MKX: variants seen among roughly 807,000 people sequenced by gnomAD.
The protein encoded by MKX is mohawk homeobox, also known as homeobox protein Mohawk.
Under a neutral mutation model 36.0 loss-of-function variants are expected in MKX, and 13 were observed. The ratio of observed to expected loss-of-function variants is 0.36; its 90% CI spans 0.24 to 0.57. The LOEUF is 0.57. Among genes scored for constraint, MKX ranks in the 20% least tolerant of loss-of-function variants. MKX has a pLI of 0.79. For synonymous variants in MKX, 176 were observed against 178.3 expected, an observed-to-expected ratio of 0.99 and a Z score of 0.10; for missense variants, 458 against 456.4, an observed-to-expected ratio of 1.00 and a Z score of -0.03.
rs34022202 is a variant in MKX at position 27,736,383 on chromosome 10, CTT to C, written c.349-1011_349-1010del. On this transcript the variant is annotated intron_variant, in intron 3 of 6. Coordinates refer to ENST00000419761, the MANE Select transcript of MKX (RefSeq NM_173576.3). ...AAGACAAAGAAAAGCTACTTCCATT[CTT>C]TTTTTTTTAAAGATGTTACTGGATT... Among the ~76,000 whole-genome samples, 58 of 151,724 alleles carry C rather than the reference CTT, an allele frequency of 3.8e-4. 2 individuals are homozygous for C. Among genetic ancestry groups the C allele is most frequent in the Non-Finnish European group, 8.8e-5 (6 of 67,924 alleles).
chr10:27,674,983 G>A lies in MKX; in HGVS notation c.*246C>T. ...ATTGTCGGGAAGCAAGGCACTTACT[G>A]TAATGGTAATGCAGATGTTTTATGC... On this transcript the variant is annotated 3_prime_UTR_variant, in exon 7 of 7. Coordinates refer to ENST00000419761, the MANE Select transcript of MKX (RefSeq NM_173576.3). 1 of 355,124 alleles carries A rather than the reference G, an allele frequency of 2.8e-6. No homozygotes were observed. Among genetic ancestry groups the A allele is most frequent in the Non-Finnish European group, 5.1e-6 (1 of 195,298 alleles). The allele number at this position is 355,124 out of a possible 1,614,324, so 22.0% of individuals were successfully genotyped here.
Position 27,741,202 on chromosome 10 carries a change from G to T in MKX, c.348+143C>A, listed in dbSNP as rs1246890715. 3 of 971,518 alleles carry T rather than the reference G, an allele frequency of 3.1e-6. No individual in the cohort carries two copies. The highest frequency in any genetic ancestry group is 4.7e-6 in the Non-Finnish European group (3 of 640,560). 60.2% of individuals were successfully genotyped at this position (971,518 alleles called of 1,614,324 possible). A position where few individuals can be genotyped will look rare whatever the true frequency, so the allele number is the denominator to read the frequency against. ...GCACTGAACTGAGGGATGAGGGTGA[G>T]AGGTAATTCAGAAACTCCCACAGCT... On this transcript the variant is annotated intron_variant, in intron 3 of 6. Coordinates refer to ENST00000419761, the MANE Select transcript of MKX (RefSeq NM_173576.3). The surrounding 1 kb of genome is among the most constrained non-coding windows in gnomAD (Gnocchi z 5.1).
intron 5 of MKX, among the ~76,000 whole-genome samples, chr10:27,725,154 G>C (rs1834461467): frequency 6.6e-6 from 1 of 152,146 alleles, no homozygotes; most frequent in Admixed American, 6.6e-5. Flanking sequence ...CATTTTCAGG[G>C]ACTTGTATAG....
chr10:27,741,855 C>T lies in MKX; in HGVS notation c.189-351G>A, dbSNP rs1454354043. 3.3e-5 allele frequency among the ~76,000 whole-genome samples: 5 copies of T among 152,208 alleles called. No individual in the cohort carries two copies. The highest frequency in any genetic ancestry group is 7.3e-5 in the Non-Finnish European group (5 of 68,040). ...CTACCCTTCCCTCACCCGCTGGCGC[C>T]GCACCCTCGAGTGGCCCTGGCCTGG... On this transcript the variant is annotated intron_variant, in intron 2 of 6. Coordinates refer to ENST00000419761, the MANE Select transcript of MKX (RefSeq NM_173576.3). The surrounding 1 kb of genome is among the most constrained non-coding windows in gnomAD (Gnocchi z 5.1).
intron 5 of MKX, among the ~76,000 whole-genome samples, chr10:27,728,362 G>A (rs896638652): frequency 3.3e-5 from 5 of 152,192 alleles, no homozygotes; most frequent in Non-Finnish European, 2.9e-5. Context: ...CAAAACGAAA[G>A]CTGAAATGAA....
At chr10:27,690,423 G>A (rs1281941067) in intron 5 of MKX, among the ~76,000 whole-genome samples, 1 of 149,946 alleles carries the variant, frequency 6.7e-6, no homozygotes, top group East Asian at 1.9e-4. Flanking sequence ...CATCTTTTGG[G>A]AGGAAAATAA....
chr10:27,736,992 C>T (rs1173431878), intron 3 of MKX, among the ~76,000 whole-genome samples: 1 of 152,126 alleles, frequency 6.6e-6, no homozygotes, highest in Non-Finnish European at 1.5e-5. Flanking sequence ...TACAGACAGA[C>T]AACAAAATTA....
intron 5 of MKX, among the ~76,000 whole-genome samples, chr10:27,729,772 AAAG>A (rs1440193507): frequency 7.9e-5 from 12 of 152,158 alleles, no homozygotes; most frequent in Non-Finnish European, 1.3e-4. Flanking sequence ...TTCAGTAGAG[AAAG>A]AAATTCCATA....
intron 5 of MKX, among the ~76,000 whole-genome samples, chr10:27,726,826 A>T (rs1564362814): frequency 6.6e-6 from 1 of 151,942 alleles, no homozygotes; most frequent in East Asian, 1.9e-4. Context: ...ATCAACATAT[A>T]CTTAAGTAAA....
chr10:27,703,064 A>C (rs1043645487), intron 5 of MKX, among the ~76,000 whole-genome samples: 1 of 152,196 alleles, frequency 6.6e-6, no homozygotes, highest in Non-Finnish European at 1.5e-5. Flanking sequence ...TTCAAAAAAC[A>C]CTTTTTCTTT....
chr10:27,693,893 G>A (rs1564348934), intron 5 of MKX, among the ~76,000 whole-genome samples: 1 of 152,142 alleles, frequency 6.6e-6, no homozygotes, highest in Non-Finnish European at 1.5e-5. Flanking sequence ...CAGTGAGAGG[G>A]ACCTGGTGGG....
intron 5 of MKX, among the ~76,000 whole-genome samples, chr10:27,733,254 T>C (rs1834672878): frequency 6.6e-6 from 1 of 152,156 alleles, no homozygotes; most frequent in Non-Finnish European, 1.5e-5. Flanking sequence ...ATTTGTCTCA[T>C]ATATATTTGT....
chr10:27,723,335 G>T (rs1296843512), intron 5 of MKX, among the ~76,000 whole-genome samples: 1 of 152,152 alleles, frequency 6.6e-6, no homozygotes, highest in Non-Finnish European at 1.5e-5. Flanking sequence ...AACAAGACCA[G>T]TTGCACTAGT....
At chr10:27,731,499 G>T (rs1834629408) in intron 5 of MKX, among the ~76,000 whole-genome samples, 1 of 151,912 alleles carries the variant, frequency 6.6e-6, no homozygotes, top group Non-Finnish European at 1.5e-5. Context: ...TGATTGTTTT[G>T]ACCTGAAACC....
At chr10:27,706,439 T>C (rs1235690839) in intron 5 of MKX, among the ~76,000 whole-genome samples, 1 of 152,140 alleles carries the variant, frequency 6.6e-6, no homozygotes, top group Non-Finnish European at 1.5e-5. Context: ...CTATTTTTAA[T>C]TTTTTGAAGA....
At chr10:27,713,060 G>T (rs1174311485) in intron 5 of MKX, among the ~76,000 whole-genome samples, 1 of 152,164 alleles carries the variant, frequency 6.6e-6, no homozygotes, top group East Asian at 1.9e-4. Flanking sequence ...GGATCTTCTG[G>T]CGTTTGAGGA....
At position 27,674,686 on chromosome 10, in the gene MKX, A is replaced by G. The variant is rs1589645956; in HGVS notation, c.*543T>C. 2 of 152,524 alleles carry G rather than the reference A, an allele frequency of 1.3e-5. No homozygotes were observed. The highest frequency in any genetic ancestry group is 1.9e-4 in the East Asian group (1 of 5,190). 9.4% of individuals were successfully genotyped at this position (152,524 alleles called of 1,614,324 possible). A position where few individuals can be genotyped will look rare whatever the true frequency, so the allele number is the denominator to read the frequency against. On this transcript the variant is annotated 3_prime_UTR_variant, in exon 7 of 7. Transcript: ENST00000419761. ...GTAACATATCAAATATGCAGGCAAG[A>G]TACATGCATAAAATTCTCACCGTCA...
At chr10:27,684,744 G>A (rs1379018249) in intron 5 of MKX, among the ~76,000 whole-genome samples, 2 of 152,190 alleles carry the variant, frequency 1.3e-5, no homozygotes, top group Non-Finnish European at 2.9e-5. Context: ...GTTGCAAGAA[G>A]GAATTATCTT....
rs1554772224 is a variant in MKX, at chr10:27,711,499, T to TCTCCCTTCCTTCC, written c.838+22956_838+22957insGGAAGGAAGGGAG. ...TCTTTCTTTCTCTCTCTCTCTCTTCTTTCCTTCCTTCCTTCCTTCCTTCCT... is the reference window on the plus strand; with the variant it reads ...TCTTTCTTTCTCTCTCTCTCTCTTCTCTCCCTTCCTTCCTTCCTTCCTTCCTTCCTTCCTTCCT... On this transcript the variant is annotated intron_variant, in intron 5 of 6. Coordinates refer to ENST00000419761, the MANE Select transcript of MKX (RefSeq NM_173576.3). 7.8e-4 allele frequency among the ~76,000 whole-genome samples: 73 copies of TCTCCCTTCCTTCC among 93,072 alleles called. 1 individual carries two copies. Among genetic ancestry groups the TCTCCCTTCCTTCC allele is most frequent in the African/African-American group, 3.6e-3 (70 of 19,310 alleles). 61.1% of individuals were successfully genotyped at this position (93,072 alleles called of 152,430 possible). A position where few individuals can be genotyped will look rare whatever the true frequency, so the allele number is the denominator to read the frequency against.
Sources: allele counts gnomAD v4.1 joint callset (sites outside exome capture counted in the v4.1 genomes callset), GRCh38; gene constraint gnomAD v4.1.1; non-coding constraint Gnocchi (gnomAD v3.1); transcripts MANE v1.5; gene names NCBI Gene and HGNC (gene_info 2026-07-23, HGNC 2026-07-21).